RELL1: variants seen among roughly 807,000 people sequenced by gnomAD.
The protein encoded by RELL1 is RELT-like protein 1.
RELL1 carries 10 observed loss-of-function variants against 23.0 expected under a neutral mutation model. The observed-to-expected ratio is 0.43, with a 90% CI of 0.27 to 0.74. The LOEUF (loss-of-function observed/expected upper bound fraction) is 0.74, where lower values mean the gene tolerates loss of function less well. Among genes scored for constraint, RELL1 ranks in the 30% least tolerant of loss-of-function variants. The pLI is 0.19. For missense variants in RELL1, 315 were observed against 364.4 expected (o/e 0.86, Z 1.10); for synonymous variants, 146 against 146.8 (o/e 0.99, Z 0.04).
rs1006296968 is a variant in RELL1 at position 37,612,840 on chromosome 4, T to C, written c.*506A>G. 1 of 152,124 alleles carries C rather than the reference T, an allele frequency of 6.6e-6. No individual in the cohort carries two copies. The highest frequency in any genetic ancestry group is 1.5e-5 in the Non-Finnish European group (1 of 68,038). The allele number at this position is 152,124 out of a possible 1,614,324, so 9.4% of individuals were successfully genotyped here. Reference sequence around the variant, plus strand: ...GAGCTTTTACCACTGAAGATTCATCTTTTATCTTTTGTAACAGCTAACCTG... The same window carrying C: ...GAGCTTTTACCACTGAAGATTCATCCTTTATCTTTTGTAACAGCTAACCTG... On this transcript the variant is annotated 3_prime_UTR_variant, in exon 7 of 7. Transcript: ENST00000454158.
At chr4:37,672,672 C>T (rs1721871591) in intron 1 of RELL1, among the ~76,000 whole-genome samples, 1 of 128,734 alleles carries the variant, frequency 7.8e-6, no homozygotes, top group African/African-American at 2.9e-5. Flanking sequence ...TGTGTAACTA[C>T]TGTTTCCATA....
intron 5 of RELL1, among the ~76,000 whole-genome samples, chr4:37,632,849 A>G (rs916462943): frequency 3.3e-5 from 5 of 152,242 alleles, no homozygotes; most frequent in South Asian, 2.1e-4. Flanking sequence ...AGAGTCTTTC[A>G]TAACAGCTTC....
chr4:37,588,123 G>A (rs1405788494), downstream of RELL1: 2 of 152,286 alleles, frequency 1.3e-5, no homozygotes, highest in Admixed American at 1.3e-4. Flanking sequence ...CAAAGGAAAT[G>A]ATGGGGAAAA....
intron 1 of RELL1, among the ~76,000 whole-genome samples, chr4:37,678,780 G>A (rs1183671144): frequency 2.0e-5 from 3 of 152,246 alleles, no homozygotes; most frequent in Non-Finnish European, 1.5e-5. Context: ...CTATGAGGCA[G>A]CTCAGCCATA....
chr4:37,593,906 A>G (rs1264791579), intron 6 of RELL1, among the ~76,000 whole-genome samples: 1 of 152,218 alleles, frequency 6.6e-6, no homozygotes, highest in Non-Finnish European at 1.5e-5. Context: ...GACGAAAAGA[A>G]GAAATTCAGA....
intron 6 of RELL1, among the ~76,000 whole-genome samples, chr4:37,599,749 G>A (rs1040140542): frequency 6.6e-5 from 10 of 152,152 alleles, no homozygotes; most frequent in South Asian, 4.2e-4. Context: ...GTATTTTTGC[G>A]GCAATCGTAA....
At chr4:37,604,830 C>CACAG (rs1560323701) in intron 6 of RELL1, among the ~76,000 whole-genome samples, 1 of 43,894 alleles carries the variant, frequency 2.3e-5, no homozygotes, top group African/African-American at 8.5e-5. Flanking sequence ...CAGACACACA[C>CACAG]ATACACACAG....
chr4:37,682,301 G>A (rs1475879965), intron 1 of RELL1, among the ~76,000 whole-genome samples: 3 of 152,124 alleles, frequency 2.0e-5, no homozygotes, highest in Admixed American at 6.6e-5. Context: ...TAATATACCC[G>A]CTTTCAGCAG....
chr4:37,642,476 C>T (rs957642013), intron 3 of RELL1, among the ~76,000 whole-genome samples: 1 of 152,168 alleles, frequency 6.6e-6, no homozygotes, highest in Non-Finnish European at 1.5e-5. Flanking sequence ...CTAGCACTGC[C>T]GTACATCCAA....
chr4:37,617,640 G>A (rs897802534), intron 6 of RELL1, among the ~76,000 whole-genome samples: 3 of 152,110 alleles, frequency 2.0e-5, no homozygotes, highest in African/African-American at 7.2e-5. Flanking sequence ...AAAATTAGCT[G>A]GGCATGATGA....
chr4:37,631,757 T>C (rs1026701908), intron 5 of RELL1, among the ~76,000 whole-genome samples: 1 of 152,140 alleles, frequency 6.6e-6, no homozygotes, highest in African/African-American at 2.4e-5. Context: ...CCGGATATTT[T>C]ACAGAGCATG....
intron 6 of RELL1, among the ~76,000 whole-genome samples, chr4:37,594,601 T>A (rs187008649): frequency 3.0e-4 from 45 of 152,274 alleles, no homozygotes; most frequent in African/African-American, 9.9e-4. Flanking sequence ...TGAAATTAAA[T>A]TTTTTCCCCT....
intron 1 of RELL1, among the ~76,000 whole-genome samples, chr4:37,655,209 T>C (rs1721079002): frequency 6.6e-6 from 1 of 151,730 alleles, no homozygotes; most frequent in African/African-American, 2.4e-5. Flanking sequence ...TTGAGCAACA[T>C]AGTGGACATT....
chr4:37,668,666 C>T (rs1403228985), intron 1 of RELL1, among the ~76,000 whole-genome samples: 2 of 152,086 alleles, frequency 1.3e-5, no homozygotes, highest in East Asian at 2.0e-4. Flanking sequence ...AGCGTCTCTG[C>T]CTGGCCGCCC....
At chr4:37,589,085 C>G (rs899298933), downstream of RELL1, among the ~76,000 whole-genome samples, 4 of 152,106 alleles carry the variant, frequency 2.6e-5, 1 homozygote, top group South Asian at 6.2e-4. Flanking sequence ...ATTTTTTTAA[C>G]TTTTTTTGCT....
intron 1 of RELL1, among the ~76,000 whole-genome samples, chr4:37,682,316 C>T (rs932561076): frequency 6.6e-6 from 1 of 152,222 alleles, no homozygotes; most frequent in African/African-American, 2.4e-5. Flanking sequence ...CAGCAGCACA[C>T]CAAATCTTTA....
At chr4:37,651,232 G>T (rs1720926764) in intron 1 of RELL1, among the ~76,000 whole-genome samples, 1 of 152,108 alleles carries the variant, frequency 6.6e-6, no homozygotes, top group East Asian at 1.9e-4. Context: ...AAGGCAGGCG[G>T]ATCACTTGAG....
At chr4:37,633,946 G>C (rs929531658) in intron 5 of RELL1, among the ~76,000 whole-genome samples, 9 of 152,344 alleles carry the variant, frequency 5.9e-5, no homozygotes, top group African/African-American at 2.2e-4. Context: ...TGAGAGAGAA[G>C]GATCATGTAA....
intron 1 of RELL1, among the ~76,000 whole-genome samples, chr4:37,654,324 C>T (rs1378949528): frequency 6.6e-6 from 1 of 152,184 alleles, no homozygotes; most frequent in Non-Finnish European, 1.5e-5. Flanking sequence ...TACTGGACGG[C>T]CCAGATAATG....
Sources: gnomAD v4.1 joint callset for allele counts (sites outside exome capture counted in the v4.1 genomes callset) on GRCh38, gnomAD v4.1.1 for gene constraint, MANE v1.5 for transcripts, NCBI Gene and HGNC (gene_info 2026-07-23, HGNC 2026-07-21) for gene names.